The following ADGRV1 variants were observed in gnomAD, a reference collection of about 807,000 sequenced individuals.
The protein encoded by ADGRV1 is G-protein coupled receptor 98.
In ADGRV1, 359 loss-of-function variants were observed where a neutral mutation model predicts 596.2. The observed-to-expected ratio is 0.60, with a 90% CI of 0.55 to 0.66. ADGRV1 has a LOEUF of 0.66. ADGRV1 is among the 30% of genes least tolerant of loss of function. The pLI, the probability that ADGRV1 is intolerant of heterozygous loss-of-function variation, is 0.00. For synonymous variants in ADGRV1, 2,681 were observed against 2,679.2 expected, an observed-to-expected ratio of 1.00 and a Z score of -0.02; for missense variants, 7,274 against 7,575.6, an observed-to-expected ratio of 0.96 and a Z score of 1.48.
At chr5:90,695,646 T>C (rs1747097997) in intron 33 of ADGRV1, among the ~76,000 whole-genome samples, 1 of 151,980 alleles carries the variant, frequency 6.6e-6, no homozygotes, top group Non-Finnish European at 1.5e-5. Context: ...TTTTGGAAAC[T>C]AATTAGAGGT....
In ADGRV1 at chr5:90,692,642, G is replaced by A. The variant is rs751490840; in HGVS notation, c.6989G>A (p.Gly2330Asp). The change falls in exon 32 of 90, where the codon GGT becomes GAT. Residue 2330 changes from glycine (G) to aspartate (D), a missense_variant. Coordinates refer to ENST00000405460, the MANE Select transcript of ADGRV1 (RefSeq NM_032119.4). The stretch of plus-strand genomic sequence containing the variant: ...CAACTAACTGATGCCTCTGGTGGAG[G>A]TACTATTGGGTTAGATCGAATTGCA... ...QVQLTDASGG[G>D]TIGLDRIANI... The A allele has an allele frequency of 3.7e-6, 6 of 1,610,798 alleles. No individual in the cohort carries two copies. In the East Asian group the frequency reaches 6.7e-5, roughly 18 times the overall value.
chr5:90,725,184 T>G lies in ADGRV1; in HGVS notation c.10005T>G (p.Pro3335=). Residue 3335 remains proline, a synonymous_variant, in exon 47 of 90, where the codon CCT becomes CCG. Transcript: ENST00000405460. ...ATGAAGAAAGAAATGAAGAAAAGCC[T>G]TCTCTTAACAGTGTGTTTACATTCA... ...ITHEERNEEK[P]SLNSVFTFTS... 1 of 1,548,486 alleles carries G rather than the reference T, an allele frequency of 6.5e-7. No homozygotes were observed. Among genetic ancestry groups the G allele is most frequent in the Non-Finnish European group, 8.8e-7 (1 of 1,142,536 alleles).
At chr5:91,025,793 G>A (rs1250113510) in intron 85 of ADGRV1, among the ~76,000 whole-genome samples, 2 of 152,108 alleles carry the variant, frequency 1.3e-5, no homozygotes, top group Non-Finnish European at 2.9e-5. Flanking sequence ...AAACAAAGCT[G>A]TTTTACTGTT....
intron 16 of ADGRV1, 54 bp downstream of exon 16, chr5:90,646,145 T>A: frequency 7.6e-7 from 1 of 1,323,300 alleles, no homozygotes; most frequent in Non-Finnish European, 1.0e-6. Context: ...ATAGTATATA[T>A]AAATGTATAT....
chr5:90,848,712 A>G lies in ADGRV1; in HGVS notation c.17095A>G (p.Ile5699Val). 1 of 1,588,564 alleles carries G rather than the reference A, an allele frequency of 6.3e-7. No homozygotes were observed. Among genetic ancestry groups the G allele is most frequent in the Non-Finnish European group, 8.5e-7 (1 of 1,170,134 alleles). ...TLFYEILCSL[I>V]NPKRKDTRGF... ...TTTCTATGAGATTCTTTGTTCTCTT[A>G]TTAACCCAAAGCGCAAGGACACTAG... Residue 5699 changes from isoleucine to valine, a missense_variant, in exon 79 of 90, where the codon ATT becomes GTT. Ile to Val is a conservative substitution (Grantham distance 29, BLOSUM62 3). This residue lies in a region of ADGRV1 where 1,874 missense variants were observed against 1,970.2 expected (regional missense o/e 0.95). Transcript: ENST00000405460.
chr5:90,934,779 G>A (rs138258059), intron 83 of ADGRV1, among the ~76,000 whole-genome samples: 12 of 152,318 alleles, frequency 7.9e-5, no homozygotes, highest in African/African-American at 2.4e-4. Context: ...TAAGAGCAGG[G>A]CACTTACAAA....
At chr5:90,728,418 A>G (rs574831837) in intron 48 of ADGRV1, among the ~76,000 whole-genome samples, 1 of 152,200 alleles carries the variant, frequency 6.6e-6, no homozygotes, top group Non-Finnish European at 1.5e-5. Context: ...CTTTTCAAAT[A>G]TCTTCTCTTT....
chr5:90,759,262 G>T, intron 57 of ADGRV1, 147 bp from the exon 58 acceptor site: 2 of 594,462 alleles, frequency 3.4e-6, no homozygotes, highest in Non-Finnish European at 2.9e-6. Context: ...CTACTTTTTA[G>T]TACCATGTTT....
intron 86 of ADGRV1, among the ~76,000 whole-genome samples, chr5:91,083,127 A>G (rs1260345473): frequency 6.6e-6 from 1 of 152,148 alleles, no homozygotes; most frequent in Non-Finnish European, 1.5e-5. Context: ...CATTCTCAGC[A>G]AAGTGTCGCA....
chr5:90,732,787 T>A (rs997303161), intron 50 of ADGRV1, among the ~76,000 whole-genome samples: 5 of 152,240 alleles, frequency 3.3e-5, no homozygotes, highest in African/African-American at 1.2e-4. Flanking sequence ...TCTGCTAAGT[T>A]CTGTACACTC....
At chr5:90,986,014 T>C (rs1247375283) in intron 85 of ADGRV1, among the ~76,000 whole-genome samples, 1 of 151,556 alleles carries the variant, frequency 6.6e-6, no homozygotes, top group Non-Finnish European at 1.5e-5. Flanking sequence ...TGGTCTTAGA[T>C]ATTCTTATTA....
chr5:90,831,291 ACACACACAAAAACATAAGTACACG>A (rs1764504503), intron 77 of ADGRV1, among the ~76,000 whole-genome samples: 1 of 151,840 alleles, frequency 6.6e-6, no homozygotes, highest in Admixed American at 6.6e-5. Context: ...ACACACACAC[ACACACACAAAAACATAAGTACACG>A]CACACACACA....
Position 90,729,893 on chromosome 5 carries a change from G to T in ADGRV1, c.10549+129G>T. On this transcript the variant is annotated intron_variant, in intron 50 of 89. Coordinates refer to ENST00000405460, the MANE Select transcript of ADGRV1 (RefSeq NM_032119.4). The stretch of plus-strand genomic sequence containing the variant: ...GTATTTTTTTTTTTTTGGAGATGGG[G>T]TCTAGCTGTGTTGCCCAGGCTGGAG... The T allele has an allele frequency of 3.5e-6, 3 of 854,584 alleles. 1 individual carries two copies. Among genetic ancestry groups the T allele is most frequent in the South Asian group, 3.2e-5 (2 of 61,650 alleles). The allele number at this position is 854,584 out of a possible 1,614,324, so 52.9% of individuals were successfully genotyped here.
intron 85 of ADGRV1, among the ~76,000 whole-genome samples, chr5:91,071,487 A>G (rs1351438320): frequency 2.6e-5 from 4 of 151,988 alleles, no homozygotes; most frequent in Non-Finnish European, 5.9e-5. Flanking sequence ...TAGCATGACC[A>G]TATGTCTGTG....
chr5:91,036,306 C>T (rs1784904700), intron 85 of ADGRV1, among the ~76,000 whole-genome samples: 1 of 151,938 alleles, frequency 6.6e-6, no homozygotes, highest in African/African-American at 2.4e-5. Context: ...CTAGACCAAC[C>T]TGGGCAACAA....
chr5:90,663,583 G>C (rs891484706), intron 21 of ADGRV1, among the ~76,000 whole-genome samples: 14 of 152,144 alleles, frequency 9.2e-5, no homozygotes, highest in South Asian at 4.1e-4. Flanking sequence ...TCTGATGGTA[G>C]TTTCTTTTGC....
At chr5:91,018,164 G>A (rs1218937008) in intron 85 of ADGRV1, among the ~76,000 whole-genome samples, 1 of 151,922 alleles carries the variant, frequency 6.6e-6, no homozygotes, top group Non-Finnish European at 1.5e-5. Context: ...AAGTCTCTGA[G>A]CATCTTTTCT....
At chr5:91,026,528 T>G (rs559652549) in intron 85 of ADGRV1, among the ~76,000 whole-genome samples, 1 of 152,270 alleles carries the variant, frequency 6.6e-6, no homozygotes, top group East Asian at 1.9e-4. Flanking sequence ...TACACACTAT[T>G]AAGTAGACAT....
At chr5:90,577,791 G>T (rs765435211) in intron 1 of ADGRV1, among the ~76,000 whole-genome samples, 1 of 151,966 alleles carries the variant, frequency 6.6e-6, no homozygotes, top group African/African-American at 2.4e-5. Flanking sequence ...CTTTTATTTC[G>T]TTGAGCAGTC....
Sources: gnomAD v4.1 joint callset for allele counts (sites outside exome capture counted in the v4.1 genomes callset) on GRCh38, gnomAD v4.1.1 for gene constraint, gnomAD v4.1.1 regional missense constraint, MANE v1.5 for transcripts, NCBI Gene and HGNC (gene_info 2026-07-23, HGNC 2026-07-21) for gene names.